The following TNNI3K variants were observed in gnomAD, a reference collection of about 807,000 sequenced individuals.
TNNI3K encodes the protein serine/threonine-protein kinase TNNI3K.
A neutral mutation model predicts 114.5 loss-of-function variants in TNNI3K; 140 were observed. That is an observed-to-expected ratio of 1.22 (90% CI 1.07 to 1.41). TNNI3K has a LOEUF of 1.41. Among genes scored for constraint, TNNI3K ranks in the 40% most tolerant of loss-of-function variants. The pLI is 0.00. For synonymous variants in TNNI3K, 347 were observed against 347.5 expected (o/e 1.00, Z 0.02); for missense variants, 1,125 against 1,007.6 (o/e 1.12, Z -1.58).
chr1:74,484,924 C>T (rs1668677763), intron 21 of TNNI3K, among the ~76,000 whole-genome samples: 1 of 151,922 alleles, frequency 6.6e-6, no homozygotes, highest in Non-Finnish European at 1.5e-5. Flanking sequence ...AAATAGGAGG[C>T]AATTGTAGTA....
At chr1:74,309,366 C>CAAAAA (rs71078188) in intron 5 of TNNI3K, among the ~76,000 whole-genome samples, 1 of 24,082 alleles carries the variant, frequency 4.2e-5, no homozygotes, top group Non-Finnish European at 6.9e-5. Context: ...GACTCTGTCT[C>CAAAAA]AAAAAAAAAA....
chr1:74,363,817 C>G (rs1171295592), intron 11 of TNNI3K, among the ~76,000 whole-genome samples: 1 of 151,492 alleles, frequency 6.6e-6, no homozygotes, highest in Non-Finnish European at 1.5e-5. Flanking sequence ...TTCCTGGGCC[C>G]AAACACTTGA....
chr1:74,454,114 T>G (rs1557576648), intron 20 of TNNI3K, among the ~76,000 whole-genome samples: 1 of 152,214 alleles, frequency 6.6e-6, no homozygotes. Flanking sequence ...TGTACATATT[T>G]ATGGGGTACA....
chr1:74,448,422 A>G (rs1262478642), intron 20 of TNNI3K, among the ~76,000 whole-genome samples: 2 of 147,512 alleles, frequency 1.4e-5, no homozygotes, highest in Non-Finnish European at 3.0e-5. Flanking sequence ...GGGACAATTG[A>G]CTTCCTCTTT....
At chr1:74,439,825 C>T (rs1289933079) in intron 20 of TNNI3K, among the ~76,000 whole-genome samples, 1 of 151,888 alleles carries the variant, frequency 6.6e-6, no homozygotes, top group Non-Finnish European at 1.5e-5. Flanking sequence ...CCGAGACACA[C>T]AGAAATGCAG....
rs140111965 is a variant in TNNI3K, at chr1:74,425,753, T to C, written c.1773-10327T>C. 3.5e-3 allele frequency among the ~76,000 whole-genome samples: 530 copies of C among 152,162 alleles called. 1 individual carries two copies. Among genetic ancestry groups the C allele is most frequent in the African/African-American group, 0.012 (508 of 41,540 alleles). ...ATTTATTTAGAGAAAAAGTTGTAAG[T>C]AAATTCAAACTTGGAGGAGACACCA... On this transcript the variant is annotated intron_variant, in intron 17 of 24. Coordinates refer to ENST00000326637, the MANE Select transcript of TNNI3K (RefSeq NM_015978.3).
intron 20 of TNNI3K, among the ~76,000 whole-genome samples, chr1:74,440,096 C>CATAT (rs138885384): frequency 6.7e-6 from 1 of 150,252 alleles, no homozygotes; most frequent in East Asian, 2.0e-4. Context: ...GTATTATATG[C>CATAT]ATATATATAT....
At chr1:74,245,602 A>G (rs189638103) in intron 2 of TNNI3K, among the ~76,000 whole-genome samples, 57 of 152,330 alleles carry the variant, frequency 3.7e-4, no homozygotes, top group Middle Eastern at 3.4e-3. Context: ...TAAAGTACTT[A>G]CACTTGAAAG....
chr1:74,538,039 A>G (rs570103813), intron 23 of TNNI3K, among the ~76,000 whole-genome samples: 65 of 152,276 alleles, frequency 4.3e-4, no homozygotes, highest in African/African-American at 1.4e-3. Flanking sequence ...TTCAAATTCA[A>G]GGAGTCTGGC....
chr1:74,398,375 G>A (rs1255828649), intron 17 of TNNI3K, among the ~76,000 whole-genome samples: 1 of 152,144 alleles, frequency 6.6e-6, no homozygotes, highest in Non-Finnish European at 1.5e-5. Context: ...CAGGCCACGT[G>A]TGATGCAATA....
intron 5 of TNNI3K, among the ~76,000 whole-genome samples, chr1:74,284,587 G>A (rs1181227631): frequency 1.3e-5 from 2 of 152,152 alleles, no homozygotes; most frequent in African/African-American, 4.8e-5. Flanking sequence ...TTTAAGCAAG[G>A]CACACAAAAC....
chr1:74,418,249 C>T (rs570593652), intron 17 of TNNI3K: 8 of 437,184 alleles, frequency 1.8e-5, no homozygotes, highest in African/African-American at 1.4e-4. Flanking sequence ...AAGAGCAGAG[C>T]AGCAAGAAAG....
chr1:74,471,655 T>G, intron 21 of TNNI3K: 1 of 400,798 alleles, frequency 2.5e-6, no homozygotes. Flanking sequence ...GGTTGATATT[T>G]TGGGTGACAT....
chr1:74,526,932 T>C (rs1245661987), intron 23 of TNNI3K, among the ~76,000 whole-genome samples: 1 of 152,246 alleles, frequency 6.6e-6, no homozygotes, highest in Non-Finnish European at 1.5e-5. Context: ...TCTATGTCTG[T>C]GTTTGCACTG....
intron 5 of TNNI3K, among the ~76,000 whole-genome samples, chr1:74,321,296 A>G (rs1307779042): frequency 2.0e-5 from 3 of 152,086 alleles, no homozygotes; most frequent in Non-Finnish European, 4.4e-5. Context: ...TTTTCTTACA[A>G]ATATCTCTTT....
intron 17 of TNNI3K, among the ~76,000 whole-genome samples, chr1:74,410,216 A>G (rs1664816365): frequency 6.6e-6 from 1 of 152,192 alleles, no homozygotes; most frequent in Non-Finnish European, 1.5e-5. Flanking sequence ...TTTTAATTAT[A>G]TGTTGCCATT....
chr1:74,491,050 G>A (rs758280339), intron 22 of TNNI3K, among the ~76,000 whole-genome samples: 1 of 152,164 alleles, frequency 6.6e-6, no homozygotes, highest in Non-Finnish European at 1.5e-5. Flanking sequence ...GTGGTATCCA[G>A]TTGTGTCTGT....
At chr1:74,279,300 T>G (rs1262991142) in intron 5 of TNNI3K, among the ~76,000 whole-genome samples, 1 of 152,198 alleles carries the variant, frequency 6.6e-6, no homozygotes, top group Admixed American at 6.5e-5. Flanking sequence ...TCTGTAAAAA[T>G]GCAAAAGTTT....
intron 17 of TNNI3K, among the ~76,000 whole-genome samples, chr1:74,377,724 G>T (rs1662977948): frequency 6.6e-6 from 1 of 151,870 alleles, no homozygotes; most frequent in Non-Finnish European, 1.5e-5. Flanking sequence ...TCGGCTATCT[G>T]TGTAGATTCT....
Sources: gnomAD v4.1 joint callset for allele counts (sites outside exome capture counted in the v4.1 genomes callset) on GRCh38, gnomAD v4.1.1 for gene constraint, MANE v1.5 for transcripts, NCBI Gene and HGNC (gene_info 2026-07-23, HGNC 2026-07-21) for gene names.